Variants in EFHC1 observed in about 807,000 individuals in gnomAD.
EFHC1 encodes EF-hand domain-containing protein 1.
In EFHC1, 53 loss-of-function variants were observed where a neutral mutation model predicts 69.9. That is an observed-to-expected ratio of 0.76 (90% CI 0.61 to 0.95). EFHC1 has a LOEUF of 0.95. EFHC1 is among the 40% of genes least tolerant of loss of function. The pLI is 0.00. For missense variants in EFHC1, 739 were observed against 798.7 expected (o/e 0.93, Z 0.90); for synonymous variants, 256 against 278.4 (o/e 0.92, Z 0.80).
intron 3 of EFHC1, among the ~76,000 whole-genome samples, chr6:52,445,109 T>G (rs1764751074): frequency 1.3e-5 from 2 of 151,616 alleles, no homozygotes; most frequent in African/African-American, 4.8e-5. Flanking sequence ...TATTTTCTGA[T>G]GGTAGGTTGT....
rs1465234773 is a variant in EFHC1, at chr6:52,493,463, A to G, written c.*1122A>G. Reference sequence around the variant, plus strand: ...GTATATGTGTATATATATTATGTATATACATATATGTGCACACATCTCTAC... The same window carrying G: ...GTATATGTGTATATATATTATGTATGTACATATATGTGCACACATCTCTAC... On this transcript the variant is annotated 3_prime_UTR_variant, in exon 11 of 11. Transcript: ENST00000371068. 2.5e-6 allele frequency: 1 copy of G among 397,010 alleles called. No homozygotes were observed. The highest frequency in any genetic ancestry group is 4.9e-6 in the Non-Finnish European group (1 of 205,212). The allele number at this position is 397,010 out of a possible 1,614,324, so 24.6% of individuals were successfully genotyped here. A position where few individuals can be genotyped will look rare whatever the true frequency, so the allele number is the denominator to read the frequency against.
chr6:52,486,540 T>C (rs1765790709), intron 9 of EFHC1: 1 of 152,234 alleles, frequency 6.6e-6, no homozygotes, highest in Non-Finnish European at 1.5e-5. Flanking sequence ...TTTTCACTTC[T>C]AGCTACTTTT....
chr6:52,483,720 A>G lies in EFHC1; in HGVS notation c.1640+3933A>G, dbSNP rs552447741. 1.5e-4 allele frequency: 23 copies of G among 152,320 alleles called. No homozygotes were observed. In the East Asian group the frequency reaches 4.0e-3, roughly 27 times the overall value. 9.4% of individuals were successfully genotyped at this position (152,320 alleles called of 1,614,324 possible). A position where few individuals can be genotyped will look rare whatever the true frequency, so the allele number is the denominator to read the frequency against. ...CCAGACCTATTTTAGCTAGTCCTCA[A>G]TTTGGCCCTGTGTCTGAGCCGAGCC... On this transcript the variant is annotated intron_variant, in intron 9 of 10. Coordinates refer to ENST00000371068, the MANE Select transcript of EFHC1 (RefSeq NM_018100.4).
At position 52,463,016 on chromosome 6, in the gene EFHC1, GTTTGT is replaced by G. The variant is rs369643049; in HGVS notation, c.917-1866_917-1862del. Among the ~76,000 whole-genome samples, 12 of 150,908 alleles carry G rather than the reference GTTTGT, an allele frequency of 8.0e-5. No individual in the cohort carries two copies. In the South Asian group the frequency reaches 1.3e-3, roughly 16 times the overall value. On this transcript the variant is annotated intron_variant, in intron 5 of 10. Transcript: ENST00000371068. ...GTAAAGTTTTTTTTGTTTTGTTTTT[GTTTGT>G]TTTGTTTTGTTTGTTTTTGTCTTTG...
At chr6:52,448,791 A>G (rs1192932433) in intron 3 of EFHC1, among the ~76,000 whole-genome samples, 1 of 152,072 alleles carries the variant, frequency 6.6e-6, no homozygotes, top group East Asian at 1.9e-4. Context: ...TTCTGTCTCT[A>G]GTTTTGTTTA....
At chr6:52,456,112 T>C (rs1243440026) in intron 5 of EFHC1, among the ~76,000 whole-genome samples, 1 of 152,058 alleles carries the variant, frequency 6.6e-6, no homozygotes, top group African/African-American at 2.4e-5. Context: ...GGAGTGAAAA[T>C]TGTCATCATT....
chr6:52,428,206 A>G (rs901152418), intron 2 of EFHC1: 2 of 152,114 alleles, frequency 1.3e-5, no homozygotes, highest in East Asian at 3.8e-4. Flanking sequence ...TTTTATTTCC[A>G]TAGGTTACTG....
rs1765955833 is a variant in EFHC1, at chr6:52,493,365, CATA to C, written c.*1025_*1027del. ...ATAACTCTCTCTTTCTCTCTCTCTA[CATA>C]TATATATATATATATATTTTATATG... On this transcript the variant is annotated 3_prime_UTR_variant, in exon 11 of 11. Coordinates refer to ENST00000371068, the MANE Select transcript of EFHC1 (RefSeq NM_018100.4). The C allele has an allele frequency of 5.3e-5, 9 of 168,614 alleles. No individual in the cohort carries two copies. Among genetic ancestry groups the C allele is most frequent in the African/African-American group, 3.9e-4 (9 of 23,224 alleles). 10.4% of individuals were successfully genotyped at this position (168,614 alleles called of 1,614,324 possible). A position where few individuals can be genotyped will look rare whatever the true frequency, so the allele number is the denominator to read the frequency against.
chr6:52,461,068 T>G (rs1254284164), intron 5 of EFHC1, among the ~76,000 whole-genome samples: 2 of 152,174 alleles, frequency 1.3e-5, no homozygotes, highest in Admixed American at 1.3e-4. Flanking sequence ...ATAACAAGTT[T>G]TGAAAATTTT....
chr6:52,484,825 A>G (rs1172653330), intron 9 of EFHC1, among the ~76,000 whole-genome samples: 1 of 152,158 alleles, frequency 6.6e-6, no homozygotes, highest in East Asian at 1.9e-4. Context: ...AGTGCAGTAG[A>G]AACAGTGAGG....
chr6:52,468,183 A>G (rs1053681204), intron 6 of EFHC1, among the ~76,000 whole-genome samples: 3 of 152,220 alleles, frequency 2.0e-5, no homozygotes, highest in Admixed American at 2.0e-4. Flanking sequence ...CCCTGAAAGC[A>G]GTATCTGAAG....
chr6:52,491,136 C>CATTA (rs966465268), intron 10 of EFHC1: 2 of 152,160 alleles, frequency 1.3e-5, no homozygotes, highest in African/African-American at 4.8e-5. Context: ...TAGACAGAAA[C>CATTA]ATTAGCAGGG....
intron 2 of EFHC1, among the ~76,000 whole-genome samples, chr6:52,434,704 A>C (rs1205401363): frequency 2.6e-5 from 4 of 152,060 alleles, no homozygotes; most frequent in Non-Finnish European, 5.9e-5. Context: ...CCTACCTTCC[A>C]TCTGCCATGA....
chr6:52,423,338 T>C (rs775100055), intron 1 of EFHC1, among the ~76,000 whole-genome samples: 6 of 152,220 alleles, frequency 3.9e-5, no homozygotes, highest in Non-Finnish European at 8.8e-5. Context: ...AGAGTATAGA[T>C]GAGATACTCT....
chr6:52,469,578 G>T, intron 7 of EFHC1, 105 bp downstream of exon 7: 1 of 1,519,278 alleles, frequency 6.6e-7, no homozygotes. Context: ...AGAGTTATGT[G>T]TTGACTCAAC....
intron 9 of EFHC1, chr6:52,481,834 A>C (rs1374855112): frequency 3.9e-5 from 6 of 152,172 alleles, no homozygotes; most frequent in African/African-American, 1.4e-4. Flanking sequence ...TAAAGGAGTT[A>C]ATGTAGCTAA....
chr6:52,462,553 A>C (rs1252573478), intron 5 of EFHC1, among the ~76,000 whole-genome samples: 1 of 152,140 alleles, frequency 6.6e-6, no homozygotes, highest in Non-Finnish European at 1.5e-5. Context: ...AGATTTATGA[A>C]GGGATAAACA....
In EFHC1 at chr6:52,492,305, T is replaced by G; in HGVS notation, c.1887T>G (p.Ile629Met). Reference protein sequence around the residue: ...IRMCSHGEGKINYYNFVRAFS... With the variant: ...IRMCSHGEGKMNYYNFVRAFS... The stretch of plus-strand genomic sequence containing the variant: ...TGTGCTCTCATGGAGAAGGCAAAAT[T>G]AACTACTATAACTTTGTTCGTGCTT... Residue 629 changes from isoleucine to methionine, a missense_variant, in exon 11 of 11, where the codon ATT becomes ATG. Coordinates refer to ENST00000371068, the MANE Select transcript of EFHC1 (RefSeq NM_018100.4). 1 of 1,614,020 alleles carries G rather than the reference T, an allele frequency of 6.2e-7. No individual in the cohort carries two copies.
intron 5 of EFHC1, among the ~76,000 whole-genome samples, chr6:52,463,788 C>G (rs945873803): frequency 3.3e-5 from 5 of 152,130 alleles, no homozygotes; most frequent in African/African-American, 1.2e-4. Context: ...CCTCATTGCC[C>G]ATCACTTCCT....
Sources: allele counts gnomAD v4.1 joint callset (sites outside exome capture counted in the v4.1 genomes callset), GRCh38; gene constraint gnomAD v4.1.1; transcripts MANE v1.5; gene names NCBI Gene and HGNC (gene_info 2026-07-23, HGNC 2026-07-21).